The following COL28A1 variants were observed in gnomAD, a reference collection of about 807,000 sequenced individuals.
The protein encoded by COL28A1 is collagen type XXVIII alpha 1 chain.
COL28A1 carries 161 observed loss-of-function variants against 150.2 expected under a neutral mutation model. The observed-to-expected ratio is 1.07, with a 90% CI of 0.94 to 1.22. The LOEUF (loss-of-function observed/expected upper bound fraction) is 1.22. Among genes scored for constraint, COL28A1 ranks in the 50% most tolerant of loss-of-function variants. COL28A1 has a pLI of 0.00. For synonymous variants in COL28A1, 552 were observed against 469.7 expected (o/e 1.18, Z -2.26); for missense variants, 1,617 against 1,388.3 (o/e 1.16, Z -2.62).
chr7:7,415,533 GTTGTT>G (rs376569575), intron 27 of COL28A1, among the ~76,000 whole-genome samples: 13 of 152,216 alleles, frequency 8.5e-5, no homozygotes, highest in African/African-American at 2.6e-4. Context: ...GGTTTTTCTG[GTTGTT>G]TTGTTTGTTT....
At chr7:7,542,534 T>C in the COL28A1 span, among the ~76,000 whole-genome samples, 1 of 152,114 alleles carries the variant, frequency 6.6e-6, no homozygotes, top group Non-Finnish European at 1.5e-5. Flanking sequence ...GCAAGAGCAA[T>C]ATAGTGTGAT....
intron 18 of COL28A1, among the ~76,000 whole-genome samples, 169 bp from the exon 19 acceptor site, chr7:7,444,658 GT>G (rs1036220926): frequency 1.3e-5 from 2 of 151,968 alleles, no homozygotes; most frequent in Non-Finnish European, 2.9e-5. Flanking sequence ...CTAGGCCTTA[GT>G]TTTTGATTCT....
intron 15 of COL28A1, among the ~76,000 whole-genome samples, chr7:7,457,349 A>G (rs1787249893): frequency 6.6e-6 from 1 of 152,124 alleles, no homozygotes; most frequent in South Asian, 2.1e-4. Flanking sequence ...AACCTGGATA[A>G]TGTTGAAGGT....
chr7:7,477,994 C>G (rs1475869277), intron 13 of COL28A1, among the ~76,000 whole-genome samples: 2 of 152,068 alleles, frequency 1.3e-5, no homozygotes, highest in South Asian at 4.2e-4. Context: ...TAGCTAGATA[C>G]AGAGTGTCGA....
intron 25 of COL28A1, among the ~76,000 whole-genome samples, chr7:7,431,970 G>A (rs1268141894): frequency 6.6e-6 from 1 of 152,314 alleles, no homozygotes; most frequent in South Asian, 2.1e-4. Flanking sequence ...GCATGGAAGA[G>A]CCATTTGCAG....
At chr7:7,462,093 T>C (rs570342450) in intron 15 of COL28A1, among the ~76,000 whole-genome samples, 19 of 152,168 alleles carry the variant, frequency 1.2e-4, no homozygotes, top group South Asian at 1.2e-3. Flanking sequence ...TGGAGCCCGG[T>C]AGACTTGCTG....
chr7:7,488,776 T>C (rs1225712903), intron 13 of COL28A1, among the ~76,000 whole-genome samples: 2 of 152,214 alleles, frequency 1.3e-5, no homozygotes, highest in East Asian at 3.8e-4. Flanking sequence ...AAATCCATTA[T>C]AAAGTATAAA....
intron 15 of COL28A1, among the ~76,000 whole-genome samples, chr7:7,463,036 T>C (rs892917270): frequency 6.6e-6 from 1 of 151,788 alleles, no homozygotes; most frequent in African/African-American, 2.4e-5. Context: ...TGGGATTATG[T>C]TAAATGGCCA....
At chr7:7,533,346 A>G (rs1782475030) in intron 1 of COL28A1, among the ~76,000 whole-genome samples, 1 of 151,796 alleles carries the variant, frequency 6.6e-6, no homozygotes, top group Non-Finnish European at 1.5e-5. Context: ...TGACAAATCT[A>G]GTATTTTGTA....
In COL28A1 at chr7:7,531,757, A is replaced by G. The variant is rs373605658; in HGVS notation, c.272T>C (p.Ile91Thr). The G allele has an allele frequency of 1.5e-5, 24 of 1,609,798 alleles. No individual in the cohort carries two copies. Among genetic ancestry groups the G allele is most frequent in the Non-Finnish European group, 2.0e-5 (23 of 1,176,032 alleles). Residue 91 changes from isoleucine (I) to threonine (T), a missense_variant, in exon 3 of 35, where the codon ATC becomes ACC. By Grantham distance (89) the Ile-to-Thr change is moderately conservative. Coordinates refer to ENST00000399429, the MANE Select transcript of COL28A1 (RefSeq NM_001037763.3). The part of the protein sequence containing the change: ...LTPGRSLEYD[I>T]KLAALQFSSS... ...GCTAAACTGAAGGGCTGCCAGTTTG[A>G]TGTCATATTCCAAGGAGCGACCAGG...
At chr7:7,353,076 C>T (rs1404389255), downstream of COL28A1, among the ~76,000 whole-genome samples, 2 of 152,190 alleles carry the variant, frequency 1.3e-5, no homozygotes, top group African/African-American at 2.4e-5. Context: ...AAGTAAAAGG[C>T]ATTAGGTACC....
chr7:7,521,550 T>C (rs945709447), intron 5 of COL28A1, among the ~76,000 whole-genome samples: 1 of 152,236 alleles, frequency 6.6e-6, no homozygotes, highest in African/African-American at 2.4e-5. Flanking sequence ...ATGTTTCTAG[T>C]AGGATAAAGC....
chr7:7,391,923 C>A lies in COL28A1; in HGVS notation c.2137-10311G>T, dbSNP rs77127583. On this transcript the variant is annotated intron_variant, in intron 27 of 34. Transcript: ENST00000399429. ...TCCTGAATACAACACACTGATGGGT[C>A]TTGACTTGTTATTTAATTTGCCAGT... is the stretch of plus-strand genomic sequence containing the variant. Among the ~76,000 whole-genome samples the A allele has an allele frequency of 2.8e-3, 420 of 150,828 alleles. 4 individuals carry two copies. Among genetic ancestry groups the A allele is most frequent in the African/African-American group, 9.9e-3 (404 of 41,002 alleles).
chr7:7,345,604 G>C, the COL28A1 span, among the ~76,000 whole-genome samples: 2,600 of 152,022 alleles, frequency 0.017, 75 homozygotes, highest in African/African-American at 0.059. Context: ...TAAAAGAACA[G>C]TTTCACTGGT....
intron 11 of COL28A1, among the ~76,000 whole-genome samples, chr7:7,501,831 G>A (rs962341806): frequency 7.9e-5 from 12 of 152,172 alleles, no homozygotes; most frequent in Admixed American, 7.2e-4. Flanking sequence ...TTTGGTCTCA[G>A]GGATAAGGCT....
At chr7:7,356,147 C>T (rs958866862), downstream of COL28A1, 1 of 149,954 alleles carries the variant, frequency 6.7e-6, no homozygotes, top group South Asian at 2.1e-4. Flanking sequence ...ATTAGTTATA[C>T]CATTGAATGA....
chr7:7,352,283 C>T (rs1024906079), downstream of COL28A1, among the ~76,000 whole-genome samples: 134 of 152,230 alleles, frequency 8.8e-4, 2 homozygotes, highest in African/African-American at 3.0e-3. Flanking sequence ...GGCATGTCTT[C>T]GCTCTTAAGT....
chr7:7,459,335 C>A (rs767813574), intron 15 of COL28A1, among the ~76,000 whole-genome samples: 1 of 152,136 alleles, frequency 6.6e-6, no homozygotes, highest in Non-Finnish European at 1.5e-5. Flanking sequence ...AGAGATTGAA[C>A]AAAGAATTGT....
chr7:7,426,454 T>C (rs757868321), intron 25 of COL28A1, among the ~76,000 whole-genome samples: 1 of 152,226 alleles, frequency 6.6e-6, no homozygotes, highest in Non-Finnish European at 1.5e-5. Flanking sequence ...ATTGGCAATG[T>C]GTATTGATTA....
Sources: allele counts gnomAD v4.1 joint callset (sites outside exome capture counted in the v4.1 genomes callset), GRCh38; gene constraint gnomAD v4.1.1; transcripts MANE v1.5; gene names NCBI Gene and HGNC (gene_info 2026-07-23, HGNC 2026-07-21).